The following ME1 variants were observed in gnomAD, a reference collection of about 807,000 sequenced individuals.
ME1 encodes the protein NADP-dependent malic enzyme.
A neutral mutation model predicts 66.4 loss-of-function variants in ME1; 74 were observed. The observed-to-expected ratio is 1.11, with a 90% CI of 0.92 to 1.35. The LOEUF (loss-of-function observed/expected upper bound fraction) is 1.35. ME1 is among the 40% of genes most tolerant of loss of function. The pLI is 0.00. For synonymous variants in ME1, 251 were observed against 235.6 expected, an observed-to-expected ratio of 1.07 and a Z score of -0.60; for missense variants, 750 against 694.1, an observed-to-expected ratio of 1.08 and a Z score of -0.90.
chr6:83,213,525 C>T (rs1041607416), intron 13 of ME1, among the ~76,000 whole-genome samples: 7 of 152,084 alleles, frequency 4.6e-5, no homozygotes, highest in African/African-American at 9.7e-5. Flanking sequence ...CCACCACACC[C>T]GGCTAATTTC....
chr6:83,299,793 G>C (rs896583546), intron 6 of ME1, among the ~76,000 whole-genome samples: 2 of 152,132 alleles, frequency 1.3e-5, no homozygotes, highest in African/African-American at 4.8e-5. Context: ...CTAGTTTATT[G>C]AGAGTTTTTA....
intron 6 of ME1, among the ~76,000 whole-genome samples, chr6:83,305,281 T>C (rs1767803145): frequency 6.6e-6 from 1 of 152,130 alleles, no homozygotes; most frequent in Non-Finnish European, 1.5e-5. Flanking sequence ...GCATATCTTC[T>C]AGTGGAAGAA....
intron 1 of ME1, among the ~76,000 whole-genome samples, chr6:83,411,655 C>A (rs1770050687): frequency 6.6e-6 from 1 of 152,062 alleles, no homozygotes; most frequent in Non-Finnish European, 1.5e-5. Flanking sequence ...CAGGGCCTAT[C>A]CAACAAAGGA....
chr6:83,275,836 G>A (rs1193171095), intron 6 of ME1, among the ~76,000 whole-genome samples: 35 of 127,602 alleles, frequency 2.7e-4, no homozygotes, highest in Admixed American at 2.5e-3. Context: ...GCAGTGGCGC[G>A]ATCTCGGCTC....
At chr6:83,342,510 TTACCTA>T (rs1386597530) in intron 5 of ME1, among the ~76,000 whole-genome samples, 2 of 152,208 alleles carry the variant, frequency 1.3e-5, no homozygotes, top group African/African-American at 4.8e-5. Flanking sequence ...TACACCGATA[TTACCTA>T]GGCTTTGCTT....
intron 5 of ME1, among the ~76,000 whole-genome samples, chr6:83,319,502 G>C (rs1768112521): frequency 1.3e-5 from 2 of 152,030 alleles, no homozygotes. Flanking sequence ...GTTTTTAAGG[G>C]TATGGCACTA....
At chr6:83,231,716 T>C (rs1790309646) in intron 9 of ME1, among the ~76,000 whole-genome samples, 1 of 152,226 alleles carries the variant, frequency 6.6e-6, no homozygotes, top group African/African-American at 2.4e-5. Flanking sequence ...GATGAGTAGA[T>C]GTCTTTTCCC....
chr6:83,309,102 G>C (rs1225581469), intron 6 of ME1, among the ~76,000 whole-genome samples: 1 of 152,126 alleles, frequency 6.6e-6, no homozygotes, highest in Non-Finnish European at 1.5e-5. Context: ...AGAAGTCTCA[G>C]GGCCTTTTAC....
At position 83,381,912 on chromosome 6, in the gene ME1, C is replaced by G. The variant is rs78800556; in HGVS notation, c.362+16455G>C. Among the ~76,000 whole-genome samples, 893 of 152,216 alleles carry G rather than the reference C, an allele frequency of 5.9e-3. 8 individuals are homozygous for G. Among genetic ancestry groups the G allele is most frequent in the African/African-American group, 0.021 (854 of 41,552 alleles). On this transcript the variant is annotated intron_variant, in intron 3 of 13. Coordinates refer to ENST00000369705, the MANE Select transcript of ME1 (RefSeq NM_002395.6). ...ATGGATTAAGCTTTATAATGAAACT[C>G]TATCATGACCCACACACCCTGCATG...
chr6:83,278,722 G>A (rs1767236432), intron 6 of ME1, among the ~76,000 whole-genome samples: 2 of 151,976 alleles, frequency 1.3e-5, no homozygotes, highest in Admixed American at 1.3e-4. Context: ...GCCTCCAAAA[G>A]CACCAGAATT....
At chr6:83,282,382 T>A (rs1238876136) in intron 6 of ME1, among the ~76,000 whole-genome samples, 3 of 152,156 alleles carry the variant, frequency 2.0e-5, no homozygotes, top group African/African-American at 7.2e-5. Context: ...AGGGCTAATA[T>A]CCAGAATCTA....
intron 6 of ME1, among the ~76,000 whole-genome samples, chr6:83,260,703 G>T (rs895429698): frequency 1.3e-5 from 2 of 152,076 alleles, no homozygotes; most frequent in Non-Finnish European, 2.9e-5. Context: ...ACAGTACTTG[G>T]TTTTCTGTTC....
chr6:83,286,335 C>T lies in ME1; in HGVS notation c.704+28975G>A, dbSNP rs542481128. Among the ~76,000 whole-genome samples the T allele has an allele frequency of 4.6e-5, 7 of 152,200 alleles. No individual in the cohort carries two copies. In the East Asian group the frequency reaches 1.3e-3, roughly 29 times the overall value. On this transcript the variant is annotated intron_variant, in intron 6 of 13. Transcript: ENST00000369705. ...ACTAACAAATGTACTAGCTGTGACT[C>T]GTTATTAACATTGATGGAAGAGATC...
intron 6 of ME1, among the ~76,000 whole-genome samples, chr6:83,275,757 G>A (rs1221351378): frequency 8.2e-6 from 1 of 121,670 alleles, no homozygotes; most frequent in Admixed American, 9.5e-5. Context: ...GAGCCACGGC[G>A]CCCGGCCTTT....
chr6:83,305,860 G>A (rs555467856), intron 6 of ME1, among the ~76,000 whole-genome samples: 13 of 151,856 alleles, frequency 8.6e-5, no homozygotes, highest in South Asian at 8.3e-4. Context: ...TTTCCTTTCC[G>A]CATCTTTAAT....
At chr6:83,293,161 A>G (rs1373140272) in intron 6 of ME1, among the ~76,000 whole-genome samples, 2 of 151,960 alleles carry the variant, frequency 1.3e-5, no homozygotes, top group South Asian at 2.1e-4. Context: ...CCACTGTCCA[A>G]CCAGTCCCAA....
At chr6:83,359,487 G>T (rs1200621533) in intron 3 of ME1, among the ~76,000 whole-genome samples, 1 of 144,966 alleles carries the variant, frequency 6.9e-6, no homozygotes, top group African/African-American at 2.5e-5. Context: ...TTATTGATTT[G>T]GGGCCACTAA....
intron 3 of ME1, among the ~76,000 whole-genome samples, chr6:83,377,032 A>G (rs1421908341): frequency 2.0e-5 from 3 of 152,170 alleles, no homozygotes; most frequent in African/African-American, 4.8e-5. Flanking sequence ...TCATACTGAA[A>G]AAGTTTATAC....
chr6:83,320,599 G>A lies in ME1; in HGVS notation c.601-5186C>T, dbSNP rs571614732. The stretch of plus-strand genomic sequence containing the variant: ...GAGCAGCTGAAGTTGAAGTGCCAAT[G>A]TGCTACTAATGGCTGCCAGAATTAA... On this transcript the variant is annotated intron_variant, in intron 5 of 13. Coordinates refer to ENST00000369705, the MANE Select transcript of ME1 (RefSeq NM_002395.6). Among the ~76,000 whole-genome samples, 228 of 152,314 alleles carry A rather than the reference G, an allele frequency of 1.5e-3. 8 individuals carry two copies. The South Asian group carries it at 0.043, about 28-fold the overall frequency.
Sources: gnomAD v4.1 joint callset for allele counts (sites outside exome capture counted in the v4.1 genomes callset) on GRCh38, gnomAD v4.1.1 for gene constraint, MANE v1.5 for transcripts, NCBI Gene and HGNC (gene_info 2026-07-23, HGNC 2026-07-21) for gene names.